EIF2B3: variants seen among roughly 807,000 people sequenced by gnomAD.
EIF2B3 encodes the protein translation initiation factor eIF2B subunit gamma.
In EIF2B3, 20 loss-of-function variants were observed where a neutral mutation model predicts 54.1. That is an observed-to-expected ratio of 0.37 (90% CI 0.26 to 0.54). The LOEUF (loss-of-function observed/expected upper bound fraction) is 0.54. EIF2B3 is among the 20% of genes least tolerant of loss of function. The pLI, the probability that EIF2B3 is intolerant of heterozygous loss-of-function variation, is 0.86. For synonymous variants in EIF2B3, 153 were observed against 188.1 expected (o/e 0.81, Z 1.52); for missense variants, 448 against 547.8 (o/e 0.82, Z 1.82).
intron 5 of EIF2B3, among the ~76,000 whole-genome samples, chr1:44,908,240 C>T (rs532832994): frequency 6.6e-6 from 1 of 152,222 alleles, no homozygotes; most frequent in South Asian, 2.1e-4. Context: ...AGACCTTAGG[C>T]CTACAAAGAC....
At chr1:44,886,457 C>T (rs1468308129) in intron 6 of EIF2B3, among the ~76,000 whole-genome samples, 1 of 152,182 alleles carries the variant, frequency 6.6e-6, no homozygotes, top group Non-Finnish European at 1.5e-5. Flanking sequence ...AACAAATACA[C>T]TAAAATGTTC....
intron 6 of EIF2B3, among the ~76,000 whole-genome samples, chr1:44,894,576 G>C (rs1655903391): frequency 6.6e-6 from 1 of 152,064 alleles, no homozygotes; most frequent in Admixed American, 6.6e-5. Flanking sequence ...CAAAACCTAA[G>C]TGTGACTTTA....
At chr1:44,880,858 G>A (rs940616850) in intron 7 of EIF2B3, among the ~76,000 whole-genome samples, 1 of 152,128 alleles carries the variant, frequency 6.6e-6, no homozygotes, top group African/African-American at 2.4e-5. Context: ...CTGCTGGGGA[G>A]GCTGAGGCAG....
intron 6 of EIF2B3, among the ~76,000 whole-genome samples, chr1:44,896,768 G>A (rs1263722362): frequency 1.3e-5 from 2 of 152,118 alleles, no homozygotes; most frequent in Non-Finnish European, 2.9e-5. Flanking sequence ...ACTCAAGTCC[G>A]GTGATCTGCC....
At chr1:44,869,593 C>CTTTT (rs60006087) in intron 10 of EIF2B3, among the ~76,000 whole-genome samples, 43 of 71,238 alleles carry the variant, frequency 6.0e-4, no homozygotes, top group Non-Finnish European at 6.8e-4. Flanking sequence ...GAGGTAAGGC[C>CTTTT]TTTTTTTTTT....
intron 10 of EIF2B3, among the ~76,000 whole-genome samples, chr1:44,861,466 A>G (rs1654607579): frequency 6.6e-6 from 1 of 152,224 alleles, no homozygotes; most frequent in Non-Finnish European, 1.5e-5. Flanking sequence ...AGCAGACAAG[A>G]AACAGCCAAC....
chr1:44,880,074 G>C, intron 7 of EIF2B3, 66 bp from the exon 8 acceptor site: 2 of 1,560,836 alleles, frequency 1.3e-6, no homozygotes, highest in Non-Finnish European at 1.8e-6. Flanking sequence ...TACAGACTCA[G>C]TCAAGTTGTT....
chr1:44,958,517 A>G (rs765059120), intron 3 of EIF2B3: 9 of 1,178,802 alleles, frequency 7.6e-6, no homozygotes, highest in Non-Finnish European at 1.1e-5. Context: ...TTTTTCTTTT[A>G]TGGGCTGTCT....
In EIF2B3 at chr1:44,917,755, C is replaced by CTT. The variant is rs869139321; in HGVS notation, c.566+8871_566+8872dup. 5.4e-4 allele frequency among the ~76,000 whole-genome samples: 24 copies of CTT among 44,230 alleles called. 6 individuals carry two copies. Among genetic ancestry groups the CTT allele is most frequent in the Admixed American group, 1.0e-3 (3 of 2,878 alleles). 29.0% of individuals were successfully genotyped at this position (44,230 alleles called of 152,430 possible). ...TATTTATTTTGCCACCAATAACACT[C>CTT]TTTTTTTTTTTTTTTTTTTTTTTTT... On this transcript the variant is annotated intron_variant, in intron 5 of 11. Transcript: ENST00000360403.
intron 5 of EIF2B3, among the ~76,000 whole-genome samples, chr1:44,916,391 T>TTTTTA (rs1643623043): frequency 6.6e-6 from 1 of 151,664 alleles, no homozygotes; most frequent in Admixed American, 6.6e-5. Context: ...TTGGTTATTT[T>TTTTTA]TTTTTATTTT....
intron 10 of EIF2B3, among the ~76,000 whole-genome samples, chr1:44,867,246 C>G (rs535018433): frequency 2.6e-4 from 39 of 152,168 alleles, no homozygotes; most frequent in African/African-American, 8.7e-4. Flanking sequence ...TGCTTGGGAC[C>G]AGGGGACCAA....
intron 3 of EIF2B3, among the ~76,000 whole-genome samples, chr1:44,956,365 G>C (rs981326440): frequency 6.6e-6 from 1 of 152,108 alleles, no homozygotes; most frequent in African/African-American, 2.4e-5. Flanking sequence ...GGCCTGTCGG[G>C]GGGTGGGGGG....
intron 4 of EIF2B3, among the ~76,000 whole-genome samples, chr1:44,930,418 T>C (rs532516199): frequency 6.6e-6 from 1 of 152,372 alleles, no homozygotes; most frequent in African/African-American, 2.4e-5. Context: ...CTATCCTTTA[T>C]ATCTGGGCTT....
intron 4 of EIF2B3, among the ~76,000 whole-genome samples, chr1:44,936,475 C>A (rs565839551): frequency 6.6e-6 from 1 of 151,364 alleles, no homozygotes; most frequent in Non-Finnish European, 1.5e-5. Flanking sequence ...CCTGTAAACC[C>A]ACCTACTCAG....
Position 44,857,692 on chromosome 1 carries a change from A to C in EIF2B3, c.1306+12T>G. The C allele has an allele frequency of 6.2e-7, 1 of 1,612,784 alleles. No homozygotes were observed. Among genetic ancestry groups the C allele is most frequent in the Non-Finnish European group, 8.5e-7 (1 of 1,178,762 alleles). On this transcript the variant is annotated intron_variant, in intron 11 of 11. Transcript: ENST00000360403. Reference sequence around the variant, plus strand: ...AAGTAAAAATGGAATCTGTGATTGTAATCTGGTTTACCTTTGGCTTCAATC... The same window carrying C: ...AAGTAAAAATGGAATCTGTGATTGTCATCTGGTTTACCTTTGGCTTCAATC...
chr1:44,927,025 T>C (rs564881824), intron 4 of EIF2B3, among the ~76,000 whole-genome samples: 7 of 151,394 alleles, frequency 4.6e-5, no homozygotes, highest in Non-Finnish European at 1.0e-4. Context: ...TCCCAGCTGC[T>C]TGGGAGGCTG....
At chr1:44,919,661 T>G (rs898926664) in intron 5 of EIF2B3, among the ~76,000 whole-genome samples, 7 of 151,670 alleles carry the variant, frequency 4.6e-5, no homozygotes, top group Non-Finnish European at 1.0e-4. Flanking sequence ...TGTGTTAGCC[T>G]GGAATCTCCC....
Position 44,875,776 on chromosome 1 carries a change from A to G in EIF2B3, c.976-81T>C, listed in dbSNP as rs1020765804. 54 of 1,080,046 alleles carry G rather than the reference A, an allele frequency of 5.0e-5. 1 individual carries two copies. The Middle Eastern group carries it at 1.2e-3, about 24-fold the overall frequency. The allele number at this position is 1,080,046 out of a possible 1,614,324, so 66.9% of individuals were successfully genotyped here. A position where few individuals can be genotyped will look rare whatever the true frequency, so the allele number is the denominator to read the frequency against. The stretch of plus-strand genomic sequence containing the variant: ...CTCTCCCTCTCCCTCTACCTCTCCC[A>G]CTCCCCCTCCCCACGGTCTCCCTCT... On this transcript the variant is annotated intron_variant, in intron 8 of 11. Transcript: ENST00000360403.
intron 3 of EIF2B3, among the ~76,000 whole-genome samples, chr1:44,955,431 A>T (rs1290245420): frequency 3.9e-5 from 6 of 152,216 alleles, no homozygotes; most frequent in Non-Finnish European, 7.3e-5. Context: ...AACCTAGGCA[A>T]TACCATTCAG....
Sources: allele counts gnomAD v4.1 joint callset (sites outside exome capture counted in the v4.1 genomes callset), GRCh38; gene constraint gnomAD v4.1.1; transcripts MANE v1.5; gene names NCBI Gene and HGNC (gene_info 2026-07-23, HGNC 2026-07-21).